R3HCC1L: variants seen among roughly 807,000 people sequenced by gnomAD.
R3HCC1L encodes coiled-coil domain-containing protein R3HCC1L.
Under a neutral mutation model 59.9 loss-of-function variants are expected in R3HCC1L, and 51 were observed. The ratio of observed to expected loss-of-function variants is 0.85; its 90% CI spans 0.68 to 1.07. The LOEUF (loss-of-function observed/expected upper bound fraction) is 1.07, where lower values mean the gene tolerates loss of function less well. Ranked by LOEUF, R3HCC1L falls within the 50% of genes least tolerant of loss-of-function variation. The pLI, the probability that R3HCC1L is intolerant of heterozygous loss-of-function variation, is 0.00. For synonymous variants in R3HCC1L, 322 were observed against 315.2 expected (o/e 1.02, Z -0.23); for missense variants, 965 against 933.0 (o/e 1.03, Z -0.45).
intron 4 of R3HCC1L, among the ~76,000 whole-genome samples, chr10:98,169,026 G>A (rs2134308010): frequency 6.6e-6 from 1 of 152,152 alleles, no homozygotes; most frequent in Admixed American, 6.5e-5. Context: ...TGAGGGTGAG[G>A]CAAGGTGAAT....
chr10:98,204,260 T>G (rs773152504), intron 4 of R3HCC1L, among the ~76,000 whole-genome samples: 18 of 151,896 alleles, frequency 1.2e-4, no homozygotes, highest in Non-Finnish European at 2.5e-4. Flanking sequence ...AACACAAAAT[T>G]AGCCAGGCGT....
chr10:98,225,259 A>G (rs943580514), intron 5 of R3HCC1L, among the ~76,000 whole-genome samples: 1 of 152,184 alleles, frequency 6.6e-6, no homozygotes, highest in African/African-American at 2.4e-5. Flanking sequence ...CCATACTGCC[A>G]TGTCTCATCA....
At chr10:98,180,661 G>T (rs957556941) in intron 4 of R3HCC1L, among the ~76,000 whole-genome samples, 23 of 152,158 alleles carry the variant, frequency 1.5e-4, no homozygotes, top group Middle Eastern at 3.2e-3. Flanking sequence ...TTGACAGTGG[G>T]ATGTTAAAGT....
intron 1 of R3HCC1L, among the ~76,000 whole-genome samples, chr10:98,148,022 A>T (rs1282049079): frequency 6.6e-6 from 1 of 151,826 alleles, no homozygotes; most frequent in African/African-American, 2.4e-5. Context: ...TAACTGTGTT[A>T]CTCCCTCTAA....
chr10:98,177,441 T>C (rs1431400058), intron 4 of R3HCC1L, among the ~76,000 whole-genome samples: 1 of 152,188 alleles, frequency 6.6e-6, no homozygotes, highest in Non-Finnish European at 1.5e-5. Flanking sequence ...TGATGGACAT[T>C]CGGGTTGGTT....
Position 98,209,465 on chromosome 10 carries a change from A to G in R3HCC1L, c.1351A>G (p.Ile451Val). ...SACSDIYGES[I>V]SSHFTESTGK... is the part of the protein sequence containing the mutation. ...TTGCTCAGATATTTATGGTGAGAGT[A>G]TTTCATCTCATTTTACAGAGTCAAC... Residue 451 changes from isoleucine (I) to valine (V), a missense_variant, in exon 5 of 10, where the codon ATT (isoleucine) becomes GTT (valine). Ile to Val is a conservative substitution (Grantham distance 29). Coordinates refer to ENST00000298999, the MANE Select transcript of R3HCC1L (RefSeq NM_001351015.2). 1 of 1,613,650 alleles carries G rather than the reference A, an allele frequency of 6.2e-7. No homozygotes were observed.
chr10:98,163,780 G>A (rs1468987556), intron 4 of R3HCC1L, among the ~76,000 whole-genome samples: 2 of 152,120 alleles, frequency 1.3e-5, no homozygotes, highest in Non-Finnish European at 2.9e-5. Flanking sequence ...GTTATTTTAA[G>A]GGTTTGATTA....
At chr10:98,189,410 G>A (rs190620476) in intron 4 of R3HCC1L, among the ~76,000 whole-genome samples, 84 of 152,222 alleles carry the variant, frequency 5.5e-4, no homozygotes, top group Admixed American at 3.1e-3. Flanking sequence ...TTTTACTAGT[G>A]ATTCTGTTTC....
chr10:98,235,286 A>G (rs769328927), intron 7 of R3HCC1L, 139 bp from the exon 8 acceptor site: 3 of 694,596 alleles, frequency 4.3e-6, no homozygotes, highest in Non-Finnish European at 7.3e-6. Context: ...AATTACTGCC[A>G]CGTTGATCTT....
At chr10:98,203,009 T>A (rs762145330) in intron 4 of R3HCC1L, among the ~76,000 whole-genome samples, 6 of 152,092 alleles carry the variant, frequency 3.9e-5, no homozygotes, top group Non-Finnish European at 7.4e-5. Context: ...CTGGATCCTG[T>A]ATGGAAAGGG....
In R3HCC1L at chr10:98,155,940, AAT is replaced by A. The variant is rs1232952744; in HGVS notation, c.-267-152_-267-151del. Among the ~76,000 whole-genome samples the A allele has an allele frequency of 3.9e-5, 6 of 152,198 alleles. No homozygotes were observed. The East Asian group carries it at 9.6e-4, about 24-fold the overall frequency. On this transcript the variant is annotated intron_variant, in intron 1 of 9. Coordinates refer to ENST00000298999, the MANE Select transcript of R3HCC1L (RefSeq NM_001351015.2). ...AAATATTTGGTTAAGTCTAATAGTTAATGTTATATTTACATTACTATGCCTGT... is the reference window on the plus strand; with the variant it reads ...AAATATTTGGTTAAGTCTAATAGTTAGTTATATTTACATTACTATGCCTGT...
At chr10:98,147,883 G>T (rs1197244254) in intron 1 of R3HCC1L, among the ~76,000 whole-genome samples, 1 of 152,052 alleles carries the variant, frequency 6.6e-6, no homozygotes, top group Non-Finnish European at 1.5e-5. Context: ...GATTGCTTTG[G>T]CTATTCAGGT....
intron 2 of R3HCC1L, among the ~76,000 whole-genome samples, chr10:98,160,318 G>T (rs1040723902): frequency 1.3e-5 from 2 of 152,194 alleles, no homozygotes; most frequent in Non-Finnish European, 2.9e-5. Flanking sequence ...TGTGTTACAA[G>T]TGTAAAATGT....
intron 4 of R3HCC1L, among the ~76,000 whole-genome samples, chr10:98,200,726 A>G (rs1404438848): frequency 2.0e-5 from 3 of 152,210 alleles, no homozygotes; most frequent in Non-Finnish European, 4.4e-5. Flanking sequence ...AGCAACAACA[A>G]GAACTTACTG....
intron 4 of R3HCC1L, among the ~76,000 whole-genome samples, chr10:98,187,381 A>G (rs1255977593): frequency 6.6e-6 from 1 of 151,444 alleles, no homozygotes; most frequent in Admixed American, 6.6e-5. Flanking sequence ...CATATCAGCC[A>G]TGTAAGGTTT....
chr10:98,136,589 G>A (rs1157468816), intron 1 of R3HCC1L, among the ~76,000 whole-genome samples: 2 of 152,050 alleles, frequency 1.3e-5, no homozygotes, highest in African/African-American at 2.4e-5. Flanking sequence ...TAATCCTAGC[G>A]CTTTGGGAGG....
chr10:98,182,690 C>T (rs1849766425), intron 4 of R3HCC1L, among the ~76,000 whole-genome samples: 1 of 152,192 alleles, frequency 6.6e-6, no homozygotes, highest in Admixed American at 6.5e-5. Context: ...GCGGTGGGCT[C>T]TACCCAGTTT....
chr10:98,237,926 A>G (rs1857138289), intron 9 of R3HCC1L, among the ~76,000 whole-genome samples: 1 of 152,130 alleles, frequency 6.6e-6, no homozygotes, highest in South Asian at 2.1e-4. Flanking sequence ...CTGGGTCCAC[A>G]TCTTAGGTCT....
At chr10:98,239,974 C>A (rs1857356831) in intron 9 of R3HCC1L, among the ~76,000 whole-genome samples, 1 of 152,172 alleles carries the variant, frequency 6.6e-6, no homozygotes, top group African/African-American at 2.4e-5. Context: ...GAGTTACAGA[C>A]CTGAGCCACT....
Sources: allele counts gnomAD v4.1 joint callset (sites outside exome capture counted in the v4.1 genomes callset), GRCh38; gene constraint gnomAD v4.1.1; transcripts MANE v1.5; gene names NCBI Gene and HGNC (gene_info 2026-07-23, HGNC 2026-07-21).